The following STXBP5L variants were observed in gnomAD, a reference collection of about 807,000 sequenced individuals.
STXBP5L encodes the protein syntaxin binding protein 5L.
STXBP5L carries 65 observed loss-of-function variants against 144.5 expected under a neutral mutation model. That is an observed-to-expected ratio of 0.45 (90% confidence interval 0.37 to 0.55). The LOEUF (loss-of-function observed/expected upper bound fraction) is 0.55, where lower values mean the gene tolerates loss of function less well. Among genes scored for constraint, STXBP5L ranks in the 20% least tolerant of loss-of-function variants. The pLI, the probability that STXBP5L is intolerant of heterozygous loss-of-function variation, is 0.00. For missense variants in STXBP5L, 1,298 were observed against 1,405.5 expected (o/e 0.92, Z 1.22); for synonymous variants, 505 against 469.6 (o/e 1.08, Z -0.97).
intron 2 of STXBP5L, among the ~76,000 whole-genome samples, chr3:120,921,187 A>G (rs1296620231): frequency 6.6e-6 from 1 of 151,970 alleles, no homozygotes; most frequent in Non-Finnish European, 1.5e-5. Context: ...GTGAGATGAT[A>G]TCTCATTGTA....
intron 3 of STXBP5L, among the ~76,000 whole-genome samples, chr3:120,975,652 C>T (rs1013829825): frequency 3.3e-5 from 5 of 152,142 alleles, no homozygotes; most frequent in Non-Finnish European, 7.3e-5. Flanking sequence ...CCAGTTTTTG[C>T]CCATTCAGTA....
chr3:121,378,636 T>G (rs982384538), intron 20 of STXBP5L, 80 bp from the exon 21 acceptor site: 43 of 1,383,202 alleles, frequency 3.1e-5, no homozygotes, highest in Non-Finnish European at 4.1e-5. Flanking sequence ...CTCATCTTCA[T>G]TTGTTAATCT....
chr3:121,346,040 G>T (rs987462412), intron 20 of STXBP5L, among the ~76,000 whole-genome samples: 1 of 151,756 alleles, frequency 6.6e-6, no homozygotes, highest in Admixed American at 6.6e-5. Flanking sequence ...TGAAACGTTG[G>T]TGTGCTGCAC....
intron 5 of STXBP5L, among the ~76,000 whole-genome samples, chr3:121,111,158 A>G (rs775868215): frequency 1.3e-5 from 2 of 152,160 alleles, no homozygotes; most frequent in Non-Finnish European, 2.9e-5. Flanking sequence ...CATGGTTATT[A>G]GCTTCTTTGC....
In STXBP5L at chr3:121,316,213, C is replaced by A. The variant is rs534908897; in HGVS notation, c.2111-2262C>A. 4.6e-5 allele frequency among the ~76,000 whole-genome samples: 7 copies of A among 152,084 alleles called. No individual in the cohort carries two copies. The South Asian group carries it at 1.0e-3, about 23-fold the overall frequency. On this transcript the variant is annotated intron_variant, in intron 19 of 26. Coordinates refer to ENST00000471454, the MANE Select transcript of STXBP5L (RefSeq NM_001308330.2). ...TATAAAATTGTTTAGGGTTTTGACA[C>A]GTTGTAAATTGGCACAAGGAAGTAG...
In STXBP5L at chr3:121,395,737, T is replaced by C. The variant is rs143178741; in HGVS notation, c.2588-11506T>C. 2.8e-4 allele frequency among the ~76,000 whole-genome samples: 42 copies of C among 152,340 alleles called. 1 individual carries two copies. In the East Asian group the frequency reaches 8.1e-3, roughly 29 times the overall value. On this transcript the variant is annotated intron_variant, in intron 22 of 26. Transcript: ENST00000471454. ...CACAGCAATGGTGATACCGCTATCA[T>C]AGCTACCATTAAATTACTCATTGTG...
chr3:120,976,138 C>T (rs959389270), intron 3 of STXBP5L, among the ~76,000 whole-genome samples: 11 of 152,126 alleles, frequency 7.2e-5, no homozygotes, highest in African/African-American at 2.7e-4. Context: ...TCCTCTTGTA[C>T]CTCGGGTAGA....
At chr3:121,279,097 A>T (rs1158135861) in intron 18 of STXBP5L, among the ~76,000 whole-genome samples, 1 of 151,932 alleles carries the variant, frequency 6.6e-6, no homozygotes, top group Non-Finnish European at 1.5e-5. Flanking sequence ...AGAATTGTTC[A>T]GCTAGAGGAC....
At chr3:121,006,801 C>T (rs908771393) in intron 3 of STXBP5L, among the ~76,000 whole-genome samples, 2 of 152,080 alleles carry the variant, frequency 1.3e-5, no homozygotes, top group East Asian at 1.9e-4. Flanking sequence ...ATTTCACCTT[C>T]ACTTATAGGC....
chr3:121,374,143 G>A (rs1200361839), intron 20 of STXBP5L, among the ~76,000 whole-genome samples: 1 of 151,912 alleles, frequency 6.6e-6, no homozygotes, highest in East Asian at 1.9e-4. Context: ...CCTTACCACA[G>A]CCTCCAAAAA....
intron 10 of STXBP5L, among the ~76,000 whole-genome samples, chr3:121,211,217 AT>A (rs1433201898): frequency 6.6e-6 from 1 of 152,152 alleles, no homozygotes; most frequent in Non-Finnish European, 1.5e-5. Flanking sequence ...TTTACTCACG[AT>A]TTGGCTCTCT....
intron 7 of STXBP5L, among the ~76,000 whole-genome samples, chr3:121,122,536 A>G (rs377399674): frequency 6.6e-6 from 1 of 151,498 alleles, no homozygotes; most frequent in Non-Finnish European, 1.5e-5. Context: ...AAGAGGACCA[A>G]TGTATCTAAA....
At chr3:121,141,078 G>A (rs542689141) in intron 7 of STXBP5L, among the ~76,000 whole-genome samples, 1 of 152,220 alleles carries the variant, frequency 6.6e-6, no homozygotes, top group African/African-American at 2.4e-5. Flanking sequence ...TGAAAGAAAA[G>A]TATGTTAAAC....
intron 5 of STXBP5L, among the ~76,000 whole-genome samples, chr3:121,069,699 C>T (rs1576847459): frequency 6.6e-6 from 1 of 151,108 alleles, no homozygotes. Flanking sequence ...AAGATTTTCT[C>T]TGATTTTTTT....
intron 15 of STXBP5L, among the ~76,000 whole-genome samples, chr3:121,252,397 T>TAAAC (rs2050056820): frequency 1.3e-5 from 2 of 151,494 alleles, no homozygotes. Context: ...AATAAATAAA[T>TAAAC]AAATAAAATA....
At chr3:121,282,053 A>T in intron 19 of STXBP5L, among the ~76,000 whole-genome samples, 1 of 151,636 alleles carries the variant, frequency 6.6e-6, no homozygotes, top group South Asian at 2.1e-4. Flanking sequence ...TGTTAAAATT[A>T]CTACCGCATT....
At chr3:120,980,204 T>A (rs1941604613) in intron 3 of STXBP5L, among the ~76,000 whole-genome samples, 1 of 152,214 alleles carries the variant, frequency 6.6e-6, no homozygotes, top group African/African-American at 2.4e-5. Flanking sequence ...GGTTGTTGGC[T>A]AGAATGTTTT....
At chr3:120,992,010 A>G (rs1942938662) in intron 3 of STXBP5L, among the ~76,000 whole-genome samples, 1 of 152,124 alleles carries the variant, frequency 6.6e-6, no homozygotes, top group African/African-American at 2.4e-5. Flanking sequence ...ATTAATATTT[A>G]TATGGTATAT....
intron 3 of STXBP5L, among the ~76,000 whole-genome samples, chr3:120,955,712 T>C (rs1310169914): frequency 6.6e-6 from 1 of 152,036 alleles, no homozygotes; most frequent in East Asian, 1.9e-4. Flanking sequence ...AACCAGGATA[T>C]TGACATTATA....
Sources: allele counts gnomAD v4.1 joint callset (sites outside exome capture counted in the v4.1 genomes callset), GRCh38; gene constraint gnomAD v4.1.1; transcripts MANE v1.5; gene names NCBI Gene and HGNC (gene_info 2026-07-23, HGNC 2026-07-21).